FMN2: variants seen among roughly 807,000 people sequenced by gnomAD.
FMN2 encodes the protein formin-2.
FMN2 carries 51 observed loss-of-function variants against 142.3 expected under a neutral mutation model. That is an observed-to-expected ratio of 0.36 (90% confidence interval 0.29 to 0.45). FMN2 has a LOEUF of 0.45. Ranked by LOEUF, FMN2 falls within the 20% of genes least tolerant of loss-of-function variation. The pLI, the probability that FMN2 is intolerant of heterozygous loss-of-function variation, is 1.00. For missense variants in FMN2, 1,936 were observed against 2,122.8 expected (o/e 0.91, Z 1.73); for synonymous variants, 882 against 869.8 (o/e 1.01, Z -0.25).
At chr1:240,412,041 G>A (rs2103126686) in intron 15 of FMN2, among the ~76,000 whole-genome samples, 1 of 152,180 alleles carries the variant, frequency 6.6e-6, no homozygotes, top group South Asian at 2.1e-4. Context: ...GATGATCAGC[G>A]GCCTAAGACC....
intron 16 of FMN2, among the ~76,000 whole-genome samples, chr1:240,465,908 T>C (rs566468336): frequency 1.3e-4 from 20 of 152,282 alleles, no homozygotes; most frequent in Admixed American, 1.2e-3. Flanking sequence ...CTTCTTCATC[T>C]CACAAACCAT....
At chr1:240,232,828 A>G (rs956656975) in intron 6 of FMN2, among the ~76,000 whole-genome samples, 13 of 151,822 alleles carry the variant, frequency 8.6e-5, no homozygotes, top group African/African-American at 2.9e-4. Context: ...TCTACTATAC[A>G]TTTTTTTTCC....
chr1:240,237,918 G>T (rs576425034), intron 6 of FMN2, among the ~76,000 whole-genome samples: 224 of 152,236 alleles, frequency 1.5e-3, no homozygotes, highest in African/African-American at 5.2e-3. Context: ...ATCCCAAATA[G>T]CATCTGATTC....
intron 15 of FMN2, among the ~76,000 whole-genome samples, chr1:240,402,123 C>T (rs576636113): frequency 1.6e-4 from 25 of 152,314 alleles, no homozygotes; most frequent in Non-Finnish European, 3.4e-4. Context: ...TTTGTCTTTA[C>T]ATTCTAGTAC....
intron 8 of FMN2, among the ~76,000 whole-genome samples, chr1:240,307,859 C>T (rs1305043272): frequency 6.6e-6 from 1 of 152,144 alleles, no homozygotes; most frequent in Non-Finnish European, 1.5e-5. Context: ...ATTCTTCCAA[C>T]CCATGAGCAT....
chr1:240,343,376 G>A (rs994050538), intron 13 of FMN2, among the ~76,000 whole-genome samples: 3 of 152,188 alleles, frequency 2.0e-5, no homozygotes, highest in Non-Finnish European at 2.9e-5. Context: ...GTCACATAGT[G>A]CAAGCTGAGG....
intron 6 of FMN2, among the ~76,000 whole-genome samples, chr1:240,238,630 C>T (rs1163714392): frequency 6.6e-6 from 1 of 152,036 alleles, no homozygotes; most frequent in Non-Finnish European, 1.5e-5. Flanking sequence ...TTTATTTGTT[C>T]ATTTCATTAG....
At chr1:240,141,722 G>A (rs1663192236) in intron 2 of FMN2, among the ~76,000 whole-genome samples, 1 of 152,152 alleles carries the variant, frequency 6.6e-6, no homozygotes, top group African/African-American at 2.4e-5. Flanking sequence ...AGAATTTTAA[G>A]TGTCTCCTAT....
intron 13 of FMN2, among the ~76,000 whole-genome samples, chr1:240,335,244 G>A (rs1671518461): frequency 6.6e-6 from 1 of 152,218 alleles, no homozygotes; most frequent in South Asian, 2.1e-4. Context: ...AGTAACCGCT[G>A]TTGAAGAGGG....
intron 2 of FMN2, chr1:240,144,409 A>C: frequency 6.2e-7 from 1 of 1,605,202 alleles, no homozygotes; most frequent in Non-Finnish European, 8.5e-7. Context: ...TGAGCTGTAC[A>C]TTGGACATGA....
rs1170883393 is a variant in FMN2, at chr1:240,206,920, A to T, written c.2108A>T (p.Glu703Val). The T allele has an allele frequency of 1.2e-6, 2 of 1,614,196 alleles. No homozygotes were observed. The highest frequency in any genetic ancestry group is 1.7e-6 in the Non-Finnish European group (2 of 1,180,028). The part of the protein sequence containing the change: ...LERQYPALDT[E>V]VASGHQGLEN... Reference sequence around the variant, plus strand: ...AGGCAGTATCCTGCCCTGGACACAGAGGTGGCCAGTGGTCATCAAGGGCTT... The same window carrying T: ...AGGCAGTATCCTGCCCTGGACACAGTGGTGGCCAGTGGTCATCAAGGGCTT... The change falls in exon 5 of 18, where the codon GAG becomes GTG. Residue 703 changes from glutamate (E) to valine (V), a missense_variant. Glu to Val is a moderately radical substitution (Grantham distance 121, BLOSUM62 -2). Coordinates refer to ENST00000319653, the MANE Select transcript of FMN2 (RefSeq NM_020066.5).
At chr1:240,163,015 A>G (rs900465132) in intron 2 of FMN2, among the ~76,000 whole-genome samples, 1 of 152,126 alleles carries the variant, frequency 6.6e-6, no homozygotes, top group Non-Finnish European at 1.5e-5. Flanking sequence ...TGTGATTTAG[A>G]ATTGTATTGC....
At position 240,092,395 on chromosome 1, in the gene FMN2, G is replaced by T; in HGVS notation, c.286G>T (p.Asp96Tyr). 6.2e-7 allele frequency: 1 copy of T among 1,612,766 alleles called. No homozygotes were observed. The highest frequency in any genetic ancestry group is 8.5e-7 in the Non-Finnish European group (1 of 1,179,656). Residue 96 changes from aspartate to tyrosine, a missense_variant, in exon 1 of 18, where the codon GAT becomes TAT. Around this residue, in one of 8 missense-constraint regions of FMN2, gnomAD observed 751 missense variants for 791.8 expected, o/e 0.95. Coordinates refer to ENST00000319653, the MANE Select transcript of FMN2 (RefSeq NM_020066.5). ...GAAAGGCGCCGGCGGCTCCCGCGAA[G>T]ATGTACTGGATTCCCAGGCCCTGCA... ...KGKGAGGSRE[D>Y]VLDSQALQTG...
At chr1:240,253,641 T>C (rs536923968) in intron 6 of FMN2, among the ~76,000 whole-genome samples, 20 of 152,334 alleles carry the variant, frequency 1.3e-4, no homozygotes, top group African/African-American at 4.8e-4. Flanking sequence ...ATTATGTTCA[T>C]TTGGAGGTGT....
chr1:240,381,080 A>G (rs1673210226), intron 14 of FMN2, among the ~76,000 whole-genome samples: 1 of 152,164 alleles, frequency 6.6e-6, no homozygotes, highest in Non-Finnish European at 1.5e-5. Flanking sequence ...ATTTTACCAG[A>G]TATACAAAGA....
chr1:240,292,408 A>G lies in FMN2; in HGVS notation c.4154-2414A>G, dbSNP rs35464931. Among the ~76,000 whole-genome samples the G allele has an allele frequency of 6.4e-3, 972 of 152,348 alleles. 7 individuals carry two copies. The highest frequency in any genetic ancestry group is 0.024 in the Middle Eastern group (7 of 294). On this transcript the variant is annotated intron_variant, in intron 7 of 17. Coordinates refer to ENST00000319653, the MANE Select transcript of FMN2 (RefSeq NM_020066.5). ...GGTATTCTCTTCTCTGTGCATTACC[A>G]GTTGTCTGCAGACTTTCAAGGCTGG...
intron 2 of FMN2, among the ~76,000 whole-genome samples, chr1:240,175,893 T>C (rs1664893123): frequency 6.6e-6 from 1 of 152,194 alleles, no homozygotes; most frequent in Admixed American, 6.5e-5. Flanking sequence ...CATTTTAAAA[T>C]CAGGTTATTT....
At chr1:240,161,965 G>C (rs1664298927) in intron 2 of FMN2, among the ~76,000 whole-genome samples, 1 of 151,968 alleles carries the variant, frequency 6.6e-6, no homozygotes, top group Admixed American at 6.6e-5. Flanking sequence ...TGATAATTTG[G>C]AGTATATTGA....
chr1:240,273,466 A>G (rs1051189920), intron 7 of FMN2, among the ~76,000 whole-genome samples: 10 of 152,166 alleles, frequency 6.6e-5, no homozygotes, highest in African/African-American at 1.7e-4. Flanking sequence ...AGAACTCTCA[A>G]TGTTACTTAT....
Sources: gnomAD v4.1 joint callset for allele counts (sites outside exome capture counted in the v4.1 genomes callset) on GRCh38, gnomAD v4.1.1 for gene constraint, gnomAD v4.1.1 regional missense constraint, MANE v1.5 for transcripts, NCBI Gene and HGNC (gene_info 2026-07-23, HGNC 2026-07-21) for gene names.